KIF6: variants seen among roughly 807,000 people sequenced by gnomAD.
KIF6 encodes kinesin family member 6.
KIF6 carries 106 observed loss-of-function variants against 112.7 expected under a neutral mutation model. The ratio of observed to expected loss-of-function variants is 0.94; its 90% confidence interval spans 0.80 to 1.11. The LOEUF is 1.11. Among genes scored for constraint, KIF6 ranks in the 50% least tolerant of loss-of-function variants. KIF6 has a pLI of 0.00. For missense variants in KIF6, 929 were observed against 964.0 expected (o/e 0.96, Z 0.48); for synonymous variants, 339 against 339.9 (o/e 1.00, Z 0.03).
chr6:39,526,664 C>T (rs1777752576), intron 13 of KIF6, among the ~76,000 whole-genome samples: 2 of 152,194 alleles, frequency 1.3e-5, no homozygotes, highest in South Asian at 4.1e-4. Flanking sequence ...GCCATATAGC[C>T]TTCAAATAGG....
chr6:39,632,913 C>T (rs1365815820), intron 5 of KIF6, among the ~76,000 whole-genome samples: 4 of 152,020 alleles, frequency 2.6e-5, no homozygotes, highest in Admixed American at 2.6e-4. Flanking sequence ...AGCCACCGCG[C>T]CTGGCCAAGC....
At chr6:39,380,141 C>G (rs534905715) in intron 16 of KIF6, among the ~76,000 whole-genome samples, 1 of 152,360 alleles carries the variant, frequency 6.6e-6, no homozygotes, top group Admixed American at 6.5e-5. Context: ...ACTCTCAGCT[C>G]AGCTAGCTGA....
intron 13 of KIF6, among the ~76,000 whole-genome samples, chr6:39,500,371 A>G (rs1776053392): frequency 6.6e-6 from 1 of 152,214 alleles, no homozygotes; most frequent in African/African-American, 2.4e-5. Flanking sequence ...ATAAATAAGC[A>G]ATTCAGCTGT....
chr6:39,350,443 T>A lies in KIF6; in HGVS notation c.2181-3917A>T, dbSNP rs149705061. Reference sequence around the variant, plus strand: ...GTGACCCTGGGCAAGCTACTTCATCTCTCTGAGCCTGAATTTTTTCACCTG... The same window carrying A: ...GTGACCCTGGGCAAGCTACTTCATCACTCTGAGCCTGAATTTTTTCACCTG... On this transcript the variant is annotated intron_variant, in intron 19 of 22. Transcript: ENST00000287152. 5.9e-5 allele frequency among the ~76,000 whole-genome samples: 9 copies of A among 152,176 alleles called. No individual in the cohort carries two copies. In the East Asian group the frequency reaches 1.7e-3, roughly 29 times the overall value.
At chr6:39,461,722 A>G (rs1773490912) in intron 13 of KIF6, among the ~76,000 whole-genome samples, 1 of 152,150 alleles carries the variant, frequency 6.6e-6, no homozygotes, top group South Asian at 2.1e-4. Context: ...AATTTGATCT[A>G]CATCTGTTTT....
At chr6:39,670,547 T>C (rs1786751066) in intron 3 of KIF6, among the ~76,000 whole-genome samples, 1 of 152,110 alleles carries the variant, frequency 6.6e-6, no homozygotes, top group Non-Finnish European at 1.5e-5. Context: ...CATCTTCACA[T>C]TGAGTAGGGT....
intron 10 of KIF6, among the ~76,000 whole-genome samples, chr6:39,568,671 C>A (rs1780461301): frequency 6.6e-6 from 1 of 151,988 alleles, no homozygotes; most frequent in Non-Finnish European, 1.5e-5. Context: ...CTGCCTCAGC[C>A]TCCTGAGTAG....
intron 3 of KIF6, among the ~76,000 whole-genome samples, chr6:39,710,260 C>A (rs1789463174): frequency 6.6e-6 from 1 of 152,152 alleles, no homozygotes; most frequent in Non-Finnish European, 1.5e-5. Context: ...AATAAACACA[C>A]CATGCCCTCA....
intron 10 of KIF6, among the ~76,000 whole-genome samples, chr6:39,556,975 T>C (rs952661086): frequency 6.6e-6 from 1 of 152,132 alleles, no homozygotes; most frequent in African/African-American, 2.4e-5. Flanking sequence ...GAAATATACA[T>C]TTTTTTCAGC....
intron 15 of KIF6, among the ~76,000 whole-genome samples, chr6:39,411,950 A>C (rs1274141417): frequency 6.6e-6 from 1 of 152,114 alleles, no homozygotes; most frequent in Non-Finnish European, 1.5e-5. Flanking sequence ...TGTCCCCCTG[A>C]TTTGCAGTCC....
chr6:39,618,613 A>G (rs1360968736), intron 5 of KIF6, among the ~76,000 whole-genome samples: 1 of 152,222 alleles, frequency 6.6e-6, no homozygotes, highest in African/African-American at 2.4e-5. Flanking sequence ...ATGCCAGACT[A>G]GTGTTAAGTC....
At chr6:39,568,957 T>A (rs1478419128) in intron 10 of KIF6, among the ~76,000 whole-genome samples, 1 of 152,198 alleles carries the variant, frequency 6.6e-6, no homozygotes, top group Non-Finnish European at 1.5e-5. Context: ...TTTCTCTCTC[T>A]CTCTCTCTCT....
intron 4 of KIF6, among the ~76,000 whole-genome samples, chr6:39,635,639 C>T (rs2499451): frequency 0.54 from 81,579 of 151,766 alleles, 25,064 homozygotes; most frequent in African/African-American, 0.84. Flanking sequence ...TGGTGGGTCA[C>T]TGCTGAAATG....
chr6:39,660,348 T>C (rs1786064080), intron 3 of KIF6, among the ~76,000 whole-genome samples: 1 of 152,220 alleles, frequency 6.6e-6, no homozygotes, highest in Non-Finnish European at 1.5e-5. Flanking sequence ...AGCTAGTGTA[T>C]ACTTGGGTGG....
In KIF6 at chr6:39,714,660, G is replaced by A. The variant is rs745744781; in HGVS notation, c.251+32C>T. Reference sequence around the variant, plus strand: ...AATTGAAGGCAACATGAAAAACCACGAGCCCACTGAACAAAATATGGGAAA... The same window carrying A: ...AATTGAAGGCAACATGAAAAACCACAAGCCCACTGAACAAAATATGGGAAA... On this transcript the variant is annotated intron_variant, in intron 3 of 22. Coordinates refer to ENST00000287152, the MANE Select transcript of KIF6 (RefSeq NM_145027.6). 2.1e-5 allele frequency: 32 copies of A among 1,500,566 alleles called. No individual in the cohort carries two copies. In the South Asian group the frequency reaches 3.2e-4, roughly 15 times the overall value. 93.0% of individuals were successfully genotyped at this position (1,500,566 alleles called of 1,614,324 possible). A position where few individuals can be genotyped will look rare whatever the true frequency, so the allele number is the denominator to read the frequency against.
chr6:39,394,867 T>G (rs919397109), intron 15 of KIF6, among the ~76,000 whole-genome samples: 1 of 152,226 alleles, frequency 6.6e-6, no homozygotes, highest in East Asian at 1.9e-4. Context: ...ATCAATACTT[T>G]CTAGAAAAAC....
chr6:39,355,594 G>A (rs1764607554), intron 19 of KIF6, among the ~76,000 whole-genome samples: 1 of 151,524 alleles, frequency 6.6e-6, no homozygotes, highest in Non-Finnish European at 1.5e-5. Flanking sequence ...CTCCCGAGTG[G>A]CTGAGATTAC....
chr6:39,683,745 A>G (rs2113780244), intron 3 of KIF6, among the ~76,000 whole-genome samples: 1 of 152,302 alleles, frequency 6.6e-6, no homozygotes, highest in African/African-American at 2.4e-5. Context: ...CGAGTGGGTA[A>G]GGGAATAGGA....
intron 15 of KIF6, among the ~76,000 whole-genome samples, chr6:39,415,301 TAAAAAA>T (rs5875672): frequency 1.6e-4 from 14 of 89,450 alleles, no homozygotes; most frequent in Admixed American, 1.2e-3. Flanking sequence ...TTTTAAAATG[TAAAAAA>T]AAAAAAAAAA....
Sources: gnomAD v4.1 joint callset for allele counts (sites outside exome capture counted in the v4.1 genomes callset) on GRCh38, gnomAD v4.1.1 for gene constraint, MANE v1.5 for transcripts, NCBI Gene and HGNC (gene_info 2026-07-23, HGNC 2026-07-21) for gene names.